Variants in AK5 observed in about 807,000 individuals in gnomAD.
AK5 encodes adenylate kinase isoenzyme 5.
Under a neutral mutation model 69.5 loss-of-function variants are expected in AK5, and 27 were observed. That is an observed-to-expected ratio of 0.39 (90% CI 0.29 to 0.54). The LOEUF (loss-of-function observed/expected upper bound fraction) is 0.54, where lower values mean the gene tolerates loss of function less well. Among genes scored for constraint, AK5 ranks in the 20% least tolerant of loss-of-function variants. The probability of loss-of-function intolerance (pLI) is 0.71; values close to 1 mark genes in which losing one functional copy is unlikely to be tolerated. For synonymous variants in AK5, 260 were observed against 244.4 expected (o/e 1.06, Z -0.60); for missense variants, 531 against 700.4 (o/e 0.76, Z 2.73).
chr1:77,283,923 T>C (rs1476951705), intron 1 of AK5, among the ~76,000 whole-genome samples: 1 of 152,218 alleles, frequency 6.6e-6, no homozygotes, highest in Non-Finnish European at 1.5e-5. Context: ...CTTTTTTTCT[T>C]TGTAAATGTG....
chr1:77,335,978 T>C (rs1434104828), intron 5 of AK5, among the ~76,000 whole-genome samples: 1 of 152,142 alleles, frequency 6.6e-6, no homozygotes, highest in East Asian at 1.9e-4. Context: ...CTGGTTTCTA[T>C]CTTATGAGGG....
intron 10 of AK5, among the ~76,000 whole-genome samples, chr1:77,513,038 T>C (rs1402082912): frequency 6.6e-6 from 1 of 152,218 alleles, no homozygotes; most frequent in Non-Finnish European, 1.5e-5. Flanking sequence ...AAAAGATTGC[T>C]CTATAACCAC....
At chr1:77,539,961 A>C (rs1335251447) in intron 13 of AK5, among the ~76,000 whole-genome samples, 1 of 152,012 alleles carries the variant, frequency 6.6e-6, no homozygotes, top group Non-Finnish European at 1.5e-5. Flanking sequence ...TGTGAGATTT[A>C]TTTAGGAATT....
chr1:77,308,218 C>T (rs1659749594), intron 5 of AK5, among the ~76,000 whole-genome samples: 1 of 152,024 alleles, frequency 6.6e-6, no homozygotes, highest in South Asian at 2.1e-4. Context: ...TGCATAGCGC[C>T]ATTTTTCCTT....
chr1:77,383,252 A>G (rs1471799878), intron 6 of AK5, among the ~76,000 whole-genome samples: 1 of 152,202 alleles, frequency 6.6e-6, no homozygotes, highest in Non-Finnish European at 1.5e-5. Context: ...TAACAAAAAT[A>G]TATTACACAC....
chr1:77,456,218 A>C (rs1653476364), intron 8 of AK5, among the ~76,000 whole-genome samples: 1 of 152,216 alleles, frequency 6.6e-6, no homozygotes, highest in African/African-American at 2.4e-5. Flanking sequence ...CTGTAATGAT[A>C]AGACTCTACT....
intron 5 of AK5, among the ~76,000 whole-genome samples, chr1:77,326,619 A>T (rs1298237866): frequency 6.6e-6 from 1 of 152,156 alleles, no homozygotes; most frequent in Non-Finnish European, 1.5e-5. Context: ...TTCACATTTA[A>T]TATACTCTGG....
chr1:77,550,678 CTTTT>C (rs1436558267), intron 13 of AK5, among the ~76,000 whole-genome samples: 1 of 152,204 alleles, frequency 6.6e-6, no homozygotes, highest in Admixed American at 6.5e-5. Flanking sequence ...TTTTCCATTT[CTTTT>C]GAGTTGCAGT....
At chr1:77,300,091 T>C (rs1230749591) in intron 5 of AK5, among the ~76,000 whole-genome samples, 2 of 152,152 alleles carry the variant, frequency 1.3e-5, no homozygotes, top group African/African-American at 4.8e-5. Flanking sequence ...TGTATCAGAA[T>C]CCTGAAATTC....
At chr1:77,298,975 T>A (rs558960936) in intron 5 of AK5, among the ~76,000 whole-genome samples, 7 of 152,216 alleles carry the variant, frequency 4.6e-5, no homozygotes, top group Non-Finnish European at 7.3e-5. Context: ...GTTAGGTTTG[T>A]TATATATTCT....
chr1:77,547,271 C>CTTT (rs532879024), intron 13 of AK5, among the ~76,000 whole-genome samples: 3,983 of 107,384 alleles, frequency 0.037, 483 homozygotes, highest in Non-Finnish European at 0.057. Context: ...ATAAAGTTCT[C>CTTT]TTTTTTTTTT....
chr1:77,545,247 C>G (rs1024996219), intron 13 of AK5, among the ~76,000 whole-genome samples: 137 of 152,154 alleles, frequency 9.0e-4, no homozygotes, highest in African/African-American at 3.1e-3. Flanking sequence ...TTCTCTTTCT[C>G]TCTTTCTTTT....
intron 6 of AK5, among the ~76,000 whole-genome samples, chr1:77,384,678 C>T (rs1485923156): frequency 6.6e-6 from 1 of 152,146 alleles, no homozygotes; most frequent in Non-Finnish European, 1.5e-5. Context: ...AAATAGGACA[C>T]CTTTCTGAAC....
intron 10 of AK5, among the ~76,000 whole-genome samples, chr1:77,489,169 A>G (rs921149047): frequency 6.6e-6 from 1 of 152,220 alleles, no homozygotes; most frequent in Non-Finnish European, 1.5e-5. Flanking sequence ...CAAAAGGTCA[A>G]ACAGCACAGT....
At chr1:77,307,916 T>A (rs1659734437) in intron 5 of AK5, among the ~76,000 whole-genome samples, 1 of 152,196 alleles carries the variant, frequency 6.6e-6, no homozygotes, top group South Asian at 2.1e-4. Context: ...GAAGGTGTTT[T>A]TTCTATATAG....
chr1:77,351,759 G>C (rs897484577), intron 6 of AK5, among the ~76,000 whole-genome samples: 2 of 152,062 alleles, frequency 1.3e-5, no homozygotes, highest in Non-Finnish European at 2.9e-5. Context: ...TACCTTCAGG[G>C]GAGGCTGCAA....
At position 77,321,316 on chromosome 1, in the gene AK5, A is replaced by T. The variant is rs558398412; in HGVS notation, c.700-19061A>T. On this transcript the variant is annotated intron_variant, in intron 5 of 13. Coordinates refer to ENST00000354567, the MANE Select transcript of AK5 (RefSeq NM_174858.3). ...GTGAAACCCCATCTCTACTAAAAATACAAAACAGCCAGGTGCGGTGGTGCC... is the reference window on the plus strand; with the variant it reads ...GTGAAACCCCATCTCTACTAAAAATTCAAAACAGCCAGGTGCGGTGGTGCC... 4.6e-5 allele frequency among the ~76,000 whole-genome samples: 7 copies of T among 152,308 alleles called. No individual in the cohort carries two copies. In the South Asian group the frequency reaches 1.5e-3, roughly 32 times the overall value.
chr1:77,384,209 A>G (rs927043754), intron 6 of AK5, among the ~76,000 whole-genome samples: 1 of 152,202 alleles, frequency 6.6e-6, no homozygotes, highest in South Asian at 2.1e-4. Context: ...AAATTATCAA[A>G]AATAAAGAAA....
chr1:77,435,618 C>G lies in AK5; in HGVS notation c.1059+17903C>G, dbSNP rs182624256. Among the ~76,000 whole-genome samples the G allele has an allele frequency of 3.8e-3, 567 of 150,586 alleles. 9 individuals carry two copies. The highest frequency in any genetic ancestry group is 7.2e-4 in the Non-Finnish European group (49 of 67,808). ...AGCCAAGATGGCGCCAGCACTCCAG[C>G]CTGGTGACAGAGCAAGACTCTGTCT... On this transcript the variant is annotated intron_variant, in intron 8 of 13. Transcript: ENST00000354567.
Sources: allele counts gnomAD v4.1 joint callset (sites outside exome capture counted in the v4.1 genomes callset), GRCh38; gene constraint gnomAD v4.1.1; transcripts MANE v1.5; gene names NCBI Gene and HGNC (gene_info 2026-07-23, HGNC 2026-07-21).